The following L3MBTL4 variants were observed in gnomAD, a reference collection of about 807,000 sequenced individuals.
L3MBTL4 encodes the protein L3MBTL histone methyl-lysine binding protein 4.
Under a neutral mutation model 84.5 loss-of-function variants are expected in L3MBTL4, and 70 were observed. That is an observed-to-expected ratio of 0.83 (90% CI 0.68 to 1.01). The LOEUF is 1.01. Among genes scored for constraint, L3MBTL4 ranks in the 50% least tolerant of loss-of-function variants. The probability of loss-of-function intolerance (pLI) is 0.00; values close to 1 mark genes in which losing one functional copy is unlikely to be tolerated. For synonymous variants in L3MBTL4, 274 were observed against 259.8 expected (o/e 1.05, Z -0.52); for missense variants, 715 against 754.8 (o/e 0.95, Z 0.62).
chr18:6,029,271 C>T (rs934040520), intron 16 of L3MBTL4: 1 of 196,234 alleles, frequency 5.1e-6, no homozygotes, highest in African/African-American at 2.4e-5. Context: ...TCGCAGAGGG[C>T]CCTGACCCTG....
chr18:6,313,754 C>T (rs1405711162), intron 1 of L3MBTL4, among the ~76,000 whole-genome samples: 2 of 152,064 alleles, frequency 1.3e-5, no homozygotes, highest in Non-Finnish European at 2.9e-5. Context: ...CTTGATAATC[C>T]CTGCAATTAT....
chr18:6,266,186 T>C (rs1385333237), intron 4 of L3MBTL4, among the ~76,000 whole-genome samples: 3 of 152,232 alleles, frequency 2.0e-5, no homozygotes, highest in Admixed American at 1.3e-4. Flanking sequence ...GCAACTTCTA[T>C]GTGCTAAGCA....
At chr18:6,204,722 C>A (rs1192238527) in intron 12 of L3MBTL4, among the ~76,000 whole-genome samples, 1 of 152,204 alleles carries the variant, frequency 6.6e-6, no homozygotes, top group African/African-American at 2.4e-5. Flanking sequence ...TCTTTGAGCA[C>A]AATGCTCCCT....
At chr18:6,386,263 A>G (rs2054813639) in intron 1 of L3MBTL4, among the ~76,000 whole-genome samples, 2 of 152,230 alleles carry the variant, frequency 1.3e-5, no homozygotes, top group Non-Finnish European at 2.9e-5. Flanking sequence ...AACACTGAGC[A>G]AAAGGCATGA....
intron 14 of L3MBTL4, among the ~76,000 whole-genome samples, chr18:6,129,542 A>G (rs1005722367): frequency 3.3e-5 from 5 of 152,090 alleles, no homozygotes; most frequent in African/African-American, 1.2e-4. Context: ...TAAGGTATAG[A>G]TTTCTCTCTG....
At chr18:6,216,473 T>C (rs1423338050) in intron 10 of L3MBTL4, among the ~76,000 whole-genome samples, 4 of 152,154 alleles carry the variant, frequency 2.6e-5, no homozygotes, top group Admixed American at 6.5e-5. Context: ...AATAAGTATT[T>C]AGATTTATTC....
chr18:6,124,428 A>T (rs2059623351), intron 14 of L3MBTL4, among the ~76,000 whole-genome samples: 1 of 148,318 alleles, frequency 6.7e-6, no homozygotes, highest in Non-Finnish European at 1.5e-5. Flanking sequence ...ATATACAGTT[A>T]TATTATTATA....
rs550899270 is a variant in L3MBTL4 at position 6,293,584 on chromosome 18, T to TA, written c.127+8318dup. Among the ~76,000 whole-genome samples the TA allele has an allele frequency of 2.8e-3, 428 of 152,266 alleles. 2 individuals are homozygous for TA. Among genetic ancestry groups the TA allele is most frequent in the Non-Finnish European group, 4.8e-3 (325 of 68,018 alleles). On this transcript the variant is annotated intron_variant, in intron 4 of 18. Coordinates refer to ENST00000317931, the MANE Select transcript of L3MBTL4 (RefSeq NM_001330559.2). Reference sequence around the variant, plus strand: ...TTTCTAGTTTTGAATTACCACCCTATAAAACACTTACTAATTCCAAAGGAA... The same window carrying TA: ...TTTCTAGTTTTGAATTACCACCCTATAAAAACACTTACTAATTCCAAAGGAA...
chr18:6,150,142 G>A (rs532465874), intron 13 of L3MBTL4, among the ~76,000 whole-genome samples: 4 of 152,020 alleles, frequency 2.6e-5, no homozygotes, highest in East Asian at 3.9e-4. Flanking sequence ...TACAATTTTC[G>A]GACTAAAAAT....
At chr18:6,143,003 T>C (rs1361111706) in intron 13 of L3MBTL4, among the ~76,000 whole-genome samples, 2 of 152,160 alleles carry the variant, frequency 1.3e-5, no homozygotes, top group South Asian at 2.1e-4. Flanking sequence ...CTAAACTGCA[T>C]CTCACAATAC....
intron 10 of L3MBTL4, among the ~76,000 whole-genome samples, chr18:6,231,857 C>T (rs946391641): frequency 6.6e-6 from 1 of 152,052 alleles, no homozygotes; most frequent in African/African-American, 2.4e-5. Context: ...TATGATTTTA[C>T]CTCTCCCTTT....
At chr18:6,173,440 T>C (rs1299528322) in intron 12 of L3MBTL4, among the ~76,000 whole-genome samples, 1 of 151,978 alleles carries the variant, frequency 6.6e-6, no homozygotes, top group Non-Finnish European at 1.5e-5. Context: ...ATGATGCAGC[T>C]GGAAGTTAAA....
At chr18:6,336,250 CA>C (rs10713324) in intron 1 of L3MBTL4, among the ~76,000 whole-genome samples, 30,711 of 143,580 alleles carry the variant, frequency 0.21, 4,087 homozygotes, top group African/African-American at 0.39. Context: ...TACCTAAAAG[CA>C]AAAAAAAAAG....
intron 4 of L3MBTL4, among the ~76,000 whole-genome samples, chr18:6,279,542 T>C (rs1283568020): frequency 6.6e-6 from 1 of 152,160 alleles, no homozygotes; most frequent in African/African-American, 2.4e-5. Flanking sequence ...CTCAGATTTC[T>C]TACTGGGATA....
chr18:6,296,697 T>C (rs1359695247), intron 4 of L3MBTL4, among the ~76,000 whole-genome samples: 1 of 152,084 alleles, frequency 6.6e-6, no homozygotes, highest in Non-Finnish European at 1.5e-5. Flanking sequence ...TCCAGTAACA[T>C]TCTAGGGAAG....
chr18:6,072,462 T>A (rs145473316), intron 16 of L3MBTL4, among the ~76,000 whole-genome samples: 1 of 152,106 alleles, frequency 6.6e-6, no homozygotes, highest in Non-Finnish European at 1.5e-5. Context: ...TAAATTATTA[T>A]GAAATCTGAC....
chr18:5,969,159 G>T (rs1353623690), intron 17 of L3MBTL4, among the ~76,000 whole-genome samples: 1 of 152,178 alleles, frequency 6.6e-6, no homozygotes, highest in Non-Finnish European at 1.5e-5. Context: ...ACTGGAATAA[G>T]GCTGCGGAGG....
chr18:5,989,101 C>T (rs1314008775), intron 16 of L3MBTL4, among the ~76,000 whole-genome samples: 1 of 152,172 alleles, frequency 6.6e-6, no homozygotes, highest in African/African-American at 2.4e-5. Flanking sequence ...CTACAGGCCC[C>T]ACTTCTAGGA....
intron 14 of L3MBTL4, among the ~76,000 whole-genome samples, chr18:6,099,609 G>GATAT (rs2058751081): frequency 2.7e-5 from 1 of 37,072 alleles, no homozygotes; most frequent in Non-Finnish European, 9.0e-5. Context: ...TATATATATG[G>GATAT]AGAGAGAGAG....
Sources: gnomAD v4.1 joint callset for allele counts (sites outside exome capture counted in the v4.1 genomes callset) on GRCh38, gnomAD v4.1.1 for gene constraint, MANE v1.5 for transcripts, NCBI Gene and HGNC (gene_info 2026-07-23, HGNC 2026-07-21) for gene names.